Variants in LCP1 observed in about 807,000 individuals in gnomAD.
LCP1 encodes plastin-2.
A neutral mutation model predicts 72.0 loss-of-function variants in LCP1; 23 were observed. The observed-to-expected ratio is 0.32, with a 90% CI of 0.23 to 0.45. The LOEUF (loss-of-function observed/expected upper bound fraction) is 0.45. Ranked by LOEUF, LCP1 falls within the 20% of genes least tolerant of loss-of-function variation. The probability of loss-of-function intolerance (pLI) is 1.00; values close to 1 mark genes in which losing one functional copy is unlikely to be tolerated. For synonymous variants in LCP1, 245 were observed against 275.4 expected (o/e 0.89, Z 1.09); for missense variants, 571 against 748.3 (o/e 0.76, Z 2.76).
intron 1 of LCP1, among the ~76,000 whole-genome samples, chr13:46,177,162 C>T (rs565158747): frequency 2.4e-3 from 372 of 152,366 alleles, no homozygotes; most frequent in South Asian, 9.3e-3. Context: ...ACTTTTACCT[C>T]TCTTCTTCCA....
At chr13:46,149,198 T>C (rs532263860) in intron 8 of LCP1, among the ~76,000 whole-genome samples, 1 of 152,354 alleles carries the variant, frequency 6.6e-6, no homozygotes, top group Non-Finnish European at 1.5e-5. Flanking sequence ...CAATTTCTCA[T>C]AAAGATCGAA....
Position 46,150,992 on chromosome 13 carries a change from A to G in LCP1, c.826T>C (p.Tyr276His). 1 of 1,613,886 alleles carries G rather than the reference A, an allele frequency of 6.2e-7. No individual in the cohort carries two copies. Residue 276 changes from tyrosine (Y) to histidine (H), a missense_variant, in exon 8 of 16, where the codon TAC (tyrosine) becomes CAC (histidine). Tyr to His is a moderately conservative substitution (Grantham distance 83, BLOSUM62 2). Coordinates refer to ENST00000323076, the MANE Select transcript of LCP1 (RefSeq NM_002298.5). ...TTGCAGCCTGCATTTTCCAGGTGGT[A>G]ATTAGCCCACCTCAGCAAGAGCTCT... ...PEELLLRWAN[Y>H]HLENAGCNKI...
intron 13 of LCP1, among the ~76,000 whole-genome samples, chr13:46,141,902 AAGAT>A (rs2045700977): frequency 6.6e-6 from 1 of 152,198 alleles, no homozygotes; most frequent in Non-Finnish European, 1.5e-5. Flanking sequence ...GGATGGTAAA[AAGAT>A]AGGCCATGCT....
intron 1 of LCP1, among the ~76,000 whole-genome samples, chr13:46,170,408 C>T (rs1419085865): frequency 6.6e-6 from 1 of 152,196 alleles, no homozygotes; most frequent in East Asian, 1.9e-4. Flanking sequence ...TGAGGCTGGG[C>T]TTCTTGGCAC....
intron 12 of LCP1, 87 bp downstream of exon 12, chr13:46,143,203 G>A (rs777199496): frequency 8.6e-6 from 7 of 816,026 alleles, no homozygotes; most frequent in South Asian, 1.6e-5. Context: ...ACTTGTCTAC[G>A]TTTGGCTGCC....
At chr13:46,179,358 A>C (rs773460206) in intron 1 of LCP1, among the ~76,000 whole-genome samples, 1 of 152,242 alleles carries the variant, frequency 6.6e-6, no homozygotes, top group Non-Finnish European at 1.5e-5. Flanking sequence ...TTTCATGCGT[A>C]TGTAAGAAGC....
At chr13:46,162,239 T>TTCTCCC (rs1566443394) in intron 1 of LCP1, among the ~76,000 whole-genome samples, 5 of 142,520 alleles carry the variant, frequency 3.5e-5, no homozygotes, top group South Asian at 2.3e-4. Context: ...AAACAATGAG[T>TTCTCCC]TCTCCCTCTC....
chr13:46,167,091 T>A (rs1371591855), intron 1 of LCP1, among the ~76,000 whole-genome samples: 1 of 152,174 alleles, frequency 6.6e-6, no homozygotes, highest in Non-Finnish European at 1.5e-5. Flanking sequence ...TCTCAAAGCC[T>A]ACAGAATTCT....
chr13:46,146,823 A>G, intron 10 of LCP1, 85 bp downstream of exon 10: 2 of 1,329,190 alleles, frequency 1.5e-6, no homozygotes, highest in Admixed American at 1.7e-5. Context: ...AATAGTTTAT[A>G]TTTGCTTAGG....
chr13:46,152,065 T>G (rs1462394507), intron 7 of LCP1, among the ~76,000 whole-genome samples: 1 of 152,236 alleles, frequency 6.6e-6, no homozygotes. Context: ...TAACGTGATG[T>G]TTTGGTATAC....
chr13:46,159,394 G>C (rs1003108112), intron 2 of LCP1: 1 of 582,738 alleles, frequency 1.7e-6, no homozygotes, highest in African/African-American at 1.9e-5. Context: ...TGTAAGAGTA[G>C]AGTCCATATT....
intron 12 of LCP1, chr13:46,142,711 T>A: frequency 3.8e-6 from 2 of 529,720 alleles, no homozygotes; most frequent in Non-Finnish European, 3.6e-6. Context: ...TGGAGAGCCA[T>A]CCTTAATTAC....
At chr13:46,144,568 C>G (rs1017041711) in intron 10 of LCP1, 48 bp from the exon 11 acceptor site, 1 of 1,361,350 alleles carries the variant, frequency 7.3e-7, no homozygotes, top group East Asian at 2.3e-5. Flanking sequence ...GAAAACATAG[C>G]TTTTTTATGA....
rs147031061 is a variant in LCP1, at chr13:46,162,185, C to T, written c.-24-2499G>A. ...GCTGTCTACTCGGGTTCTCTGCCTT[C>T]ATGTTCCTGTTAGACACACATCCCA... On this transcript the variant is annotated intron_variant, in intron 1 of 15. Coordinates refer to ENST00000323076, the MANE Select transcript of LCP1 (RefSeq NM_002298.5). Among the ~76,000 whole-genome samples the T allele has an allele frequency of 5.4e-4, 82 of 152,002 alleles. No individual in the cohort carries two copies. The East Asian group carries it at 9.3e-3, about 17-fold the overall frequency.
chr13:46,178,256 T>G (rs578113912), intron 1 of LCP1, among the ~76,000 whole-genome samples: 1 of 152,160 alleles, frequency 6.6e-6, no homozygotes, highest in Admixed American at 6.6e-5. Context: ...GGATGATTAA[T>G]TGAAGCGCCT....
chr13:46,145,744 C>T lies in LCP1; in HGVS notation c.1174+1164G>A, dbSNP rs1247457556. Among the ~76,000 whole-genome samples, 5 of 117,568 alleles carry T rather than the reference C, an allele frequency of 4.3e-5. 2 individuals are homozygous for T. The Admixed American group carries it at 4.6e-4, about 11-fold the overall frequency. 77.1% of individuals were successfully genotyped at this position (117,568 alleles called of 152,430 possible). A position where few individuals can be genotyped will look rare whatever the true frequency, so the allele number is the denominator to read the frequency against. ...CTAAAATGGTGAAACCCCGTCTCTA[C>T]TAAAAATACAAAAAATTAGCCGGGC... is the stretch of plus-strand genomic sequence containing the variant. On this transcript the variant is annotated intron_variant, in intron 10 of 15. Coordinates refer to ENST00000323076, the MANE Select transcript of LCP1 (RefSeq NM_002298.5).
Position 46,127,250 on chromosome 13 carries a change from A to G in LCP1, c.*341T>C, listed in dbSNP as rs1174269030. The G allele has an allele frequency of 3.8e-6, 1 of 260,070 alleles. No homozygotes were observed. Among genetic ancestry groups the G allele is most frequent in the Non-Finnish European group, 7.4e-6 (1 of 135,520 alleles). The allele number at this position is 260,070 out of a possible 1,614,324, so 16.1% of individuals were successfully genotyped here. On this transcript the variant is annotated 3_prime_UTR_variant, in exon 16 of 16. Transcript: ENST00000323076. ...GGGAAGCCACATGAAGCTGGTTTGA[A>G]AGATTATATCAAAATTAATACCACT... is the stretch of plus-strand genomic sequence containing the variant.
intron 1 of LCP1, among the ~76,000 whole-genome samples, chr13:46,177,446 CCTGGCTAA>C (rs2138289276): frequency 6.6e-6 from 1 of 152,228 alleles, no homozygotes; most frequent in East Asian, 1.9e-4. Context: ...TCGAGACCGT[CCTGGCTAA>C]CAAGGTGAAA....
At chr13:46,181,506 C>A (rs1352099665) in intron 1 of LCP1, among the ~76,000 whole-genome samples, 1 of 152,102 alleles carries the variant, frequency 6.6e-6, no homozygotes, top group Non-Finnish European at 1.5e-5. Flanking sequence ...TTTTAGAGAA[C>A]AAATGGAAAA....
Sources: allele counts gnomAD v4.1 joint callset (sites outside exome capture counted in the v4.1 genomes callset), GRCh38; gene constraint gnomAD v4.1.1; transcripts MANE v1.5; gene names NCBI Gene and HGNC (gene_info 2026-07-23, HGNC 2026-07-21).